NRXN1: variants seen among roughly 807,000 people sequenced by gnomAD.
The protein encoded by NRXN1 is neurexin-1.
NRXN1 carries 39 observed loss-of-function variants against 150.9 expected under a neutral mutation model. The ratio of observed to expected loss-of-function variants is 0.26; its 90% confidence interval spans 0.20 to 0.34. NRXN1 has a LOEUF of 0.34. Ranked by LOEUF, NRXN1 falls within the 10% of genes least tolerant of loss-of-function variation. NRXN1 has a pLI of 1.00. For synonymous variants in NRXN1, 924 were observed against 757.0 expected (o/e 1.22, Z -3.62); for missense variants, 1,815 against 1,949.9 (o/e 0.93, Z 1.30).
intron 9 of NRXN1, among the ~76,000 whole-genome samples, chr2:50,550,353 G>T (rs976230762): frequency 9.2e-5 from 14 of 152,004 alleles, no homozygotes; most frequent in Admixed American, 9.2e-4. Flanking sequence ...GGGATTACAG[G>T]TGTGAACCAC....
At chr2:50,950,108 G>A (rs968785307) in intron 2 of NRXN1, among the ~76,000 whole-genome samples, 1 of 152,174 alleles carries the variant, frequency 6.6e-6, no homozygotes, top group African/African-American at 2.4e-5. Context: ...ACATATAAAT[G>A]CTCTCAAAGC....
chr2:50,733,822 A>C (rs1000631700), intron 5 of NRXN1, among the ~76,000 whole-genome samples: 3 of 152,208 alleles, frequency 2.0e-5, no homozygotes, highest in African/African-American at 7.2e-5. Context: ...AATTGAACTT[A>C]ACTAGCAAAG....
At chr2:50,096,954 T>C (rs546622418) in intron 18 of NRXN1, among the ~76,000 whole-genome samples, 1 of 152,328 alleles carries the variant, frequency 6.6e-6, no homozygotes, top group South Asian at 2.1e-4. Context: ...TTGGGTATAC[T>C]TCAAGCAAGA....
intron 17 of NRXN1, among the ~76,000 whole-genome samples, chr2:50,323,322 C>G (rs1002935194): frequency 6.6e-6 from 1 of 152,102 alleles, no homozygotes; most frequent in Non-Finnish European, 1.5e-5. Flanking sequence ...CTGTACAATC[C>G]TAAGGTGAAG....
intron 2 of NRXN1, among the ~76,000 whole-genome samples, chr2:50,971,172 T>C (rs1558511762): frequency 2.0e-5 from 3 of 152,174 alleles, no homozygotes; most frequent in African/African-American, 4.8e-5. Flanking sequence ...TATTTCAATA[T>C]TCACCTCCCA....
intron 21 of NRXN1, chr2:49,973,956 A>G (rs1339678030): frequency 1.1e-5 from 8 of 716,970 alleles, no homozygotes; most frequent in Admixed American, 4.0e-5. Context: ...CGGCTGTGAC[A>G]GAAGAAGCTA....
chr2:50,312,623 T>C (rs2075271414), intron 17 of NRXN1: 1 of 455,028 alleles, frequency 2.2e-6, no homozygotes, highest in Admixed American at 2.4e-5. Context: ...CCTACACACA[T>C]GTTAAACCTG....
At chr2:49,997,252 A>G (rs778004022) in intron 21 of NRXN1, among the ~76,000 whole-genome samples, 3 of 152,194 alleles carry the variant, frequency 2.0e-5, no homozygotes, top group East Asian at 3.9e-4. Flanking sequence ...TATAGCTCAC[A>G]AAAGAGAATC....
At chr2:50,567,626 C>T (rs1670070462) in intron 8 of NRXN1, among the ~76,000 whole-genome samples, 1 of 151,862 alleles carries the variant, frequency 6.6e-6, no homozygotes, top group Admixed American at 6.6e-5. Flanking sequence ...TTGGTAGAGC[C>T]CTGCAATACA....
At chr2:50,716,658 T>C (rs531303455) in intron 5 of NRXN1, among the ~76,000 whole-genome samples, 1 of 152,254 alleles carries the variant, frequency 6.6e-6, no homozygotes, top group African/African-American at 2.4e-5. Context: ...TACATATAAA[T>C]ATACATCTCA....
intron 17 of NRXN1, among the ~76,000 whole-genome samples, chr2:50,305,649 G>A (rs1270073863): frequency 6.6e-6 from 1 of 152,178 alleles, no homozygotes; most frequent in Non-Finnish European, 1.5e-5. Context: ...CAAATGACAA[G>A]TTGATTGCTA....
At chr2:50,552,280 G>A (rs1431221951) in intron 9 of NRXN1, among the ~76,000 whole-genome samples, 1 of 151,970 alleles carries the variant, frequency 6.6e-6, no homozygotes, top group Non-Finnish European at 1.5e-5. Flanking sequence ...GAAAAACTTT[G>A]AATTTTTTCA....
chr2:50,263,373 A>G (rs1274825493), intron 17 of NRXN1, among the ~76,000 whole-genome samples: 1 of 152,002 alleles, frequency 6.6e-6, no homozygotes, highest in African/African-American at 2.4e-5. Context: ...TGTACTCTCA[A>G]CAAATGTTAA....
intron 5 of NRXN1, among the ~76,000 whole-genome samples, chr2:50,684,052 T>C (rs1241417157): frequency 6.6e-6 from 1 of 152,036 alleles, no homozygotes; most frequent in Non-Finnish European, 1.5e-5. Flanking sequence ...TTAGTTAAGA[T>C]AGGTTACCGA....
intron 5 of NRXN1, among the ~76,000 whole-genome samples, chr2:50,763,284 T>A (rs1401281826): frequency 6.6e-6 from 1 of 152,024 alleles, no homozygotes; most frequent in Non-Finnish European, 1.5e-5. Flanking sequence ...ATTTTCAACA[T>A]TTGTATCAGA....
chr2:50,828,523 G>A (rs542383023), intron 5 of NRXN1, among the ~76,000 whole-genome samples: 2 of 150,822 alleles, frequency 1.3e-5, no homozygotes, highest in Admixed American at 6.6e-5. Flanking sequence ...GGGGCGGCTG[G>A]GCAGAGACGC....
At chr2:50,297,664 G>A (rs1245139378) in intron 17 of NRXN1, among the ~76,000 whole-genome samples, 1 of 151,976 alleles carries the variant, frequency 6.6e-6, no homozygotes, top group African/African-American at 2.4e-5. Context: ...AACACCGGGT[G>A]GTAATTTAAT....
chr2:50,903,757 G>A (rs1483362033), intron 5 of NRXN1, among the ~76,000 whole-genome samples: 1 of 152,160 alleles, frequency 6.6e-6, no homozygotes, highest in African/African-American at 2.4e-5. Flanking sequence ...GAGAGATGAT[G>A]CTTGGCTCAG....
intron 2 of NRXN1, among the ~76,000 whole-genome samples, chr2:50,946,018 T>C (rs960454224): frequency 1.3e-5 from 2 of 151,558 alleles, no homozygotes; most frequent in Non-Finnish European, 2.9e-5. Context: ...TCACTTACTC[T>C]GGAATGACCA....
Sources: gnomAD v4.1 joint callset for allele counts (sites outside exome capture counted in the v4.1 genomes callset) on GRCh38, gnomAD v4.1.1 for gene constraint, MANE v1.5 for transcripts, NCBI Gene and HGNC (gene_info 2026-07-23, HGNC 2026-07-21) for gene names.